CTBP2: variants seen among roughly 807,000 people sequenced by gnomAD.
CTBP2 encodes the protein C-terminal-binding protein 2.
CTBP2 carries 30 observed loss-of-function variants against 80.3 expected under a neutral mutation model. The ratio of observed to expected loss-of-function variants is 0.37; its 90% CI spans 0.28 to 0.51. The LOEUF is 0.51. Among genes scored for constraint, CTBP2 ranks in the 20% least tolerant of loss-of-function variants. CTBP2 has a pLI of 0.93. For synonymous variants in CTBP2, 594 were observed against 587.4 expected, an observed-to-expected ratio of 1.01 and a Z score of -0.16; for missense variants, 1,212 against 1,375.3, an observed-to-expected ratio of 0.88 and a Z score of 1.88.
At chr10:125,108,195 G>A (rs1188072705) in intron 2 of CTBP2, among the ~76,000 whole-genome samples, 1 of 152,218 alleles carries the variant, frequency 6.6e-6, no homozygotes, top group Non-Finnish European at 1.5e-5. Flanking sequence ...ATTCATTACT[G>A]AGAGAACGAG....
In CTBP2 at chr10:125,051,097, C is replaced by T. The variant is rs1212962278; in HGVS notation, c.-101-11942G>A. ...GGCCATTTAAAAATCTGCTCTGAGA[C>T]ATTTTATGGGGATATTGTGCATGTT... On this transcript the variant is annotated intron_variant, in intron 2 of 10. Transcript: ENST00000337195. Among the ~76,000 whole-genome samples the T allele has an allele frequency of 2.0e-5, 3 of 152,200 alleles. 1 individual carries two copies. The highest frequency in any genetic ancestry group is 4.1e-4 in the South Asian group (2 of 4,832).
intron 2 of CTBP2, among the ~76,000 whole-genome samples, chr10:125,070,079 G>A (rs537228250): frequency 9.9e-5 from 15 of 151,710 alleles, no homozygotes; most frequent in African/African-American, 2.9e-4. Flanking sequence ...GGCTGGGCAC[G>A]GGTGGCTCAG....
Position 125,098,698 on chromosome 10 carries a change from G to C in CTBP2, c.-102+12292C>G, listed in dbSNP as rs55928991. ...AGAGAGAGAGAGAGAGAGAGAGAGA[G>C]AGAGAGAGACAGAGAGAGAGAGAGA... On this transcript the variant is annotated intron_variant, in intron 2 of 10. Coordinates refer to the CTBP2 transcript ENST00000337195. 4.4e-3 allele frequency among the ~76,000 whole-genome samples: 569 copies of C among 129,738 alleles called. 4 individuals are homozygous for C. Among genetic ancestry groups the C allele is most frequent in the Non-Finnish European group, 5.6e-3 (338 of 60,454 alleles). The allele number at this position is 129,738 out of a possible 152,430, so 85.1% of individuals were successfully genotyped here.
At chr10:125,007,104 G>A (rs1561589) in intron 1 of CTBP2, among the ~76,000 whole-genome samples, 62,763 of 152,094 alleles carry the variant, frequency 0.41, 13,986 homozygotes, top group African/African-American at 0.58. Flanking sequence ...CCTTTCTACC[G>A]TCTCCCGCCA....
chr10:125,019,873 A>C (rs1956875642), intron 1 of CTBP2, among the ~76,000 whole-genome samples: 1 of 152,164 alleles, frequency 6.6e-6, no homozygotes, highest in Non-Finnish European at 1.5e-5. Flanking sequence ...GGGGAGAACT[A>C]TTTCCAAACT....
At chr10:125,020,050 G>A (rs954456707) in intron 1 of CTBP2, among the ~76,000 whole-genome samples, 10 of 152,152 alleles carry the variant, frequency 6.6e-5, no homozygotes, top group African/African-American at 2.4e-4. Context: ...AATAGCGTAG[G>A]GGCCCATTGG....
intron 2 of CTBP2, among the ~76,000 whole-genome samples, chr10:125,063,947 G>A (rs1019819200): frequency 1.3e-5 from 2 of 152,084 alleles, no homozygotes; most frequent in Admixed American, 6.6e-5. Flanking sequence ...CCTTCCAGGG[G>A]TGCTCTCTGC....
rs529929129 is a variant in CTBP2 at position 125,026,734 on chromosome 10, C to G, written c.1026G>C (p.Leu342=). Residue 342 remains leucine, a synonymous_variant, in exon 1 of 9, where the codon CTG becomes CTC. Coordinates refer to ENST00000309035, the MANE Select transcript of CTBP2 (RefSeq NM_022802.3). ...TCCTGCAGCTATTGGCCAGGCGGCT[C>G]AGAACACGGGCCTGGCCCAGGTTGG... is the stretch of plus-strand genomic sequence containing the variant. 6.2e-7 allele frequency: 1 copy of G among 1,612,932 alleles called. No homozygotes were observed. Among genetic ancestry groups the G allele is most frequent in the South Asian group, 1.1e-5 (1 of 91,088 alleles).
intron 1 of CTBP2, among the ~76,000 whole-genome samples, chr10:125,009,382 C>CA (rs1955615161): frequency 6.6e-6 from 1 of 152,146 alleles, no homozygotes; most frequent in Non-Finnish European, 1.5e-5. Context: ...AAAGAGGAGA[C>CA]AAAACCACAC....
chr10:125,003,015 G>T lies in CTBP2; in HGVS notation c.1923C>A (p.Ile641=). ...TGTCATAGCCACTGCCTATCCGCACGATCACTCTCAGGGCCTTGAACTTCT... is the reference window on the plus strand; with the variant it reads ...TGTCATAGCCACTGCCTATCCGCACTATCACTCTCAGGGCCTTGAACTTCT... Residue 641 remains isoleucine, a synonymous_variant, in exon 3 of 9, where the codon ATC becomes ATA. Coordinates refer to ENST00000309035, the MANE Select transcript of CTBP2 (RefSeq NM_022802.3). The T allele has an allele frequency of 6.2e-7, 1 of 1,613,950 alleles. No homozygotes were observed. The highest frequency in any genetic ancestry group is 8.5e-7 in the Non-Finnish European group (1 of 1,179,992).
At chr10:125,069,753 G>A (rs567700974) in intron 2 of CTBP2, among the ~76,000 whole-genome samples, 27 of 152,218 alleles carry the variant, frequency 1.8e-4, no homozygotes, top group Admixed American at 4.6e-4. Flanking sequence ...GGAGATTTCT[G>A]CTGAGAGTCT....
At chr10:125,045,171 T>C (rs1960911546) in intron 2 of CTBP2, among the ~76,000 whole-genome samples, 2 of 152,088 alleles carry the variant, frequency 1.3e-5, no homozygotes, top group Admixed American at 6.6e-5. Flanking sequence ...ATAGATGATC[T>C]TGCTGCCCCA....
intron 2 of CTBP2, among the ~76,000 whole-genome samples, chr10:125,103,251 C>A (rs1010873427): frequency 6.6e-6 from 1 of 152,174 alleles, no homozygotes; most frequent in Non-Finnish European, 1.5e-5. Flanking sequence ...CCACTCCACA[C>A]CCCCCTGGCC....
At position 125,051,941 on chromosome 10, in the gene CTBP2, G is replaced by A. The variant is rs77058941; in HGVS notation, c.-101-12786C>T. Among the ~76,000 whole-genome samples the A allele has an allele frequency of 7.1e-3, 1,077 of 152,266 alleles. 18 individuals carry two copies. Among genetic ancestry groups the A allele is most frequent in the African/African-American group, 0.025 (1,019 of 41,546 alleles). ...CGTGAAGATGGCATCTAAAAGCTAC[G>A]GAGACAGGGCTTCTCTCAAATCCTT... On this transcript the variant is annotated intron_variant, in intron 2 of 10. Transcript: ENST00000337195.
chr10:125,159,824 T>C (rs1308525571), intron 1 of CTBP2: 1 of 150,248 alleles, frequency 6.7e-6, no homozygotes, highest in Non-Finnish European at 1.5e-5. Context: ...GCGCTCGGCC[T>C]GGGTCGCCGG....
intron 2 of CTBP2, among the ~76,000 whole-genome samples, chr10:125,104,519 T>C (rs1851156572): frequency 6.6e-6 from 1 of 152,194 alleles, no homozygotes; most frequent in South Asian, 2.1e-4. Context: ...AATGTCACTG[T>C]TCGGGCTGCT....
intron 2 of CTBP2, chr10:125,100,725 C>T (rs1850487992): frequency 6.6e-6 from 1 of 152,130 alleles, no homozygotes; most frequent in Non-Finnish European, 1.5e-5. Context: ...CAGAGTTGTC[C>T]TTCTTCCCAT....
chr10:125,099,173 G>A lies in CTBP2; in HGVS notation c.-102+11817C>T, dbSNP rs1253998433. ...AGCAGAACATGCTGGGTGTGCAACT[G>A]AAACCTAGACCTAGGTTCAAATCTG... On this transcript the variant is annotated intron_variant, in intron 2 of 10. Transcript: ENST00000337195. Among the ~76,000 whole-genome samples, 29 of 152,192 alleles carry A rather than the reference G, an allele frequency of 1.9e-4. 1 individual carries two copies.
chr10:124,994,525 G>T lies in CTBP2; in HGVS notation c.2344C>A (p.His782Asn). ...TGGTTATGTTCGTTGAGATTGCAGT[G>T]CAAGGAGACGCAGTCGCTCTGATAC... Residue 782 changes from histidine (H) to asparagine (N), a missense_variant, in exon 5 of 9, where the codon CAC becomes AAC. His to Asn is a moderately conservative substitution (Grantham distance 68). Transcript: ENST00000309035. The T allele has an allele frequency of 6.2e-7, 1 of 1,614,024 alleles. No homozygotes were observed. Among genetic ancestry groups the T allele is most frequent in the Non-Finnish European group, 8.5e-7 (1 of 1,179,876 alleles).
Sources: gnomAD v4.1 joint callset for allele counts (sites outside exome capture counted in the v4.1 genomes callset) on GRCh38, gnomAD v4.1.1 for gene constraint, MANE v1.5 for transcripts, NCBI Gene and HGNC (gene_info 2026-07-23, HGNC 2026-07-21) for gene names.